The following DMD variants were observed in gnomAD, a reference collection of about 807,000 sequenced individuals.
DMD encodes dystrophin, also known as mutant dystrophin.
In DMD, 63 loss-of-function variants were observed where a neutral mutation model predicts 330.1. The observed-to-expected ratio is 0.19, with a 90% confidence interval of 0.16 to 0.24. The LOEUF (loss-of-function observed/expected upper bound fraction) is 0.24. DMD is among the 10% of genes least tolerant of loss of function. The pLI, the probability that DMD is intolerant of heterozygous loss-of-function variation, is 1.00. For missense variants in DMD, 3,344 were observed against 2,684.1 expected, an observed-to-expected ratio of 1.25 and a Z score of -5.43; for synonymous variants, 1,223 against 959.8, an observed-to-expected ratio of 1.27 and a Z score of -5.07.
Position 32,504,384 on chromosome X carries a change from G to A in DMD, c.2293-2542C>T, listed in dbSNP as rs759586583. ...CACACCTGTAATCCCAGCACTTTGG[G>A]GGGCCAACGCGGGTGGATCACCTGA... On this transcript the variant is annotated intron_variant, in intron 18 of 78. Coordinates refer to ENST00000357033, the MANE Select transcript of DMD (RefSeq NM_004006.3). Among the ~76,000 whole-genome samples the A allele has an allele frequency of 9.3e-4, 103 of 111,236 alleles. 1 individual carries two copies. Among genetic ancestry groups the A allele is most frequent in the African/African-American group, 3.2e-3 (98 of 30,594 alleles).
intron 1 of DMD, among the ~76,000 whole-genome samples, chrX:33,066,515 T>A (rs1424790281): frequency 4.7e-5 from 5 of 106,190 alleles, no homozygotes; most frequent in Admixed American, 2.0e-4. Context: ...AGTAATAGAC[T>A]AATCTTAGGA....
At chrX:32,866,953 C>G (rs1301011341) in intron 2 of DMD, among the ~76,000 whole-genome samples, 1 of 111,305 alleles carries the variant, frequency 9.0e-6, no homozygotes, top group Non-Finnish European at 1.9e-5. Flanking sequence ...CCAGGCCAGT[C>G]TCAAACTCCT....
chrX:32,685,950 G>A (rs2062827603), intron 9 of DMD, among the ~76,000 whole-genome samples: 1 of 111,622 alleles, frequency 9.0e-6, no homozygotes, highest in East Asian at 2.8e-4. Flanking sequence ...ACTAAATAAG[G>A]TATCTCTTCA....
At chrX:32,415,525 T>A (rs2098162999) in intron 29 of DMD, among the ~76,000 whole-genome samples, 1 of 112,550 alleles carries the variant, frequency 8.9e-6, no homozygotes, top group Admixed American at 9.4e-5. Flanking sequence ...CTTATGAATT[T>A]TCTGACTTTC....
intron 44 of DMD, among the ~76,000 whole-genome samples, chrX:32,012,160 C>A (rs2095714523): frequency 8.9e-6 from 1 of 112,262 alleles, no homozygotes; most frequent in South Asian, 3.7e-4. Context: ...CAGTCTCTTT[C>A]CCTTCTCTGT....
intron 48 of DMD, among the ~76,000 whole-genome samples, chrX:31,851,133 CTTAACTACAA>C (rs1402304243): frequency 1.8e-5 from 2 of 111,320 alleles, no homozygotes; most frequent in East Asian, 5.6e-4. Context: ...TGTTCTTTTA[CTTAACTACAA>C]TTAGGTTTGC....
intron 12 of DMD, among the ~76,000 whole-genome samples, chrX:32,609,310 T>C (rs2056979365): frequency 9.0e-6 from 1 of 110,975 alleles, no homozygotes; most frequent in East Asian, 2.8e-4. Flanking sequence ...AGATAAGTTT[T>C]CCTAAATTGC....
chrX:33,043,088 T>G (rs778958159), intron 1 of DMD, among the ~76,000 whole-genome samples: 5 of 112,075 alleles, frequency 4.5e-5, no homozygotes, highest in African/African-American at 6.5e-5. Flanking sequence ...GCAAATATAT[T>G]CTTTTTTAAT....
chrX:32,713,944 A>G (rs967762504), intron 7 of DMD, among the ~76,000 whole-genome samples: 3 of 112,137 alleles, frequency 2.7e-5, no homozygotes, highest in Admixed American at 9.5e-5. Flanking sequence ...ACATTAGCCT[A>G]TACTTTGGCA....
At chrX:32,235,655 A>AT (rs2097185057) in intron 43 of DMD, among the ~76,000 whole-genome samples, 1 of 111,550 alleles carries the variant, frequency 9.0e-6, no homozygotes, top group African/African-American at 3.3e-5. Flanking sequence ...ATCTTGTTTT[A>AT]TTTTTTCAAC....
At chrX:32,759,164 T>C (rs1335328040) in intron 7 of DMD, among the ~76,000 whole-genome samples, 1 of 112,216 alleles carries the variant, frequency 8.9e-6, no homozygotes, top group African/African-American at 3.2e-5. Context: ...AATTTACTAC[T>C]TCACAAATAA....
intron 34 of DMD, among the ~76,000 whole-genome samples, chrX:32,370,139 A>G (rs1350897852): frequency 9.0e-6 from 1 of 111,194 alleles, no homozygotes; most frequent in African/African-American, 3.3e-5. Context: ...CTGCAATTCT[A>G]AGATGTGCAT....
intron 52 of DMD, among the ~76,000 whole-genome samples, chrX:31,690,493 A>T (rs2083039143): frequency 8.9e-6 from 1 of 112,024 alleles, no homozygotes; most frequent in African/African-American, 3.2e-5. Context: ...GGATGTGGAG[A>T]AATAGGAACA....
chrX:32,410,584 G>A (rs2098137636), intron 30 of DMD, among the ~76,000 whole-genome samples: 1 of 111,638 alleles, frequency 9.0e-6, no homozygotes. Context: ...CCAACTGGCA[G>A]GGAGAAGGCT....
At chrX:32,308,207 A>C (rs1045053652) in intron 42 of DMD, among the ~76,000 whole-genome samples, 4 of 111,065 alleles carry the variant, frequency 3.6e-5, no homozygotes, top group Non-Finnish European at 7.6e-5. Context: ...TTTGTTTAGA[A>C]AGTAATTCTT....
At chrX:31,744,830 T>C (rs1017973343) in intron 51 of DMD, among the ~76,000 whole-genome samples, 2 of 111,932 alleles carry the variant, frequency 1.8e-5, no homozygotes, top group African/African-American at 3.2e-5. Flanking sequence ...AAAATATTTA[T>C]TGAAATAATT....
intron 63 of DMD, among the ~76,000 whole-genome samples, chrX:31,252,914 G>A (rs6527076): frequency 0.3 from 32,722 of 110,087 alleles, 3,690 homozygotes; most frequent in African/African-American, 0.33. Flanking sequence ...TCGCTTGAAC[G>A]CGGGCGGTGG....
chrX:33,025,445 G>GT (rs1204791671), intron 1 of DMD, among the ~76,000 whole-genome samples: 1 of 109,307 alleles, frequency 9.1e-6, no homozygotes, highest in South Asian at 3.8e-4. Flanking sequence ...GATAAACAAT[G>GT]TAAGTGAAAG....
intron 2 of DMD, among the ~76,000 whole-genome samples, chrX:33,003,880 T>C (rs1467468742): frequency 8.9e-6 from 1 of 112,566 alleles, no homozygotes; most frequent in African/African-American, 3.2e-5. Context: ...TTGTATTCGA[T>C]GTTTCAGAAG....
Sources: gnomAD v4.1 joint callset for allele counts (sites outside exome capture counted in the v4.1 genomes callset) on GRCh38, gnomAD v4.1.1 for gene constraint, MANE v1.5 for transcripts, NCBI Gene and HGNC (gene_info 2026-07-23, HGNC 2026-07-21) for gene names.